CAMKMT: variants seen among roughly 807,000 people sequenced by gnomAD.
CAMKMT encodes CaM KMT.
CAMKMT carries 53 observed loss-of-function variants against 48.0 expected under a neutral mutation model. That is an observed-to-expected ratio of 1.10 (90% CI 0.89 to 1.39). The LOEUF (loss-of-function observed/expected upper bound fraction) is 1.39, where lower values mean the gene tolerates loss of function less well. Among genes scored for constraint, CAMKMT ranks in the 40% most tolerant of loss-of-function variants. CAMKMT has a pLI of 0.00. For missense variants in CAMKMT, 428 were observed against 402.7 expected (o/e 1.06, Z -0.54); for synonymous variants, 165 against 152.3 (o/e 1.08, Z -0.61).
At chr2:44,681,032 TATC>T (rs1675991397) in intron 3 of CAMKMT, among the ~76,000 whole-genome samples, 1 of 152,190 alleles carries the variant, frequency 6.6e-6, no homozygotes, top group South Asian at 2.1e-4. Flanking sequence ...TCCAACATGT[TATC>T]ATTTATTTCC....
chr2:44,732,837 T>C (rs1440373657), intron 7 of CAMKMT, among the ~76,000 whole-genome samples: 5 of 152,230 alleles, frequency 3.3e-5, no homozygotes, highest in Non-Finnish European at 5.9e-5. Context: ...TTATATCAGA[T>C]ACTATATATG....
At chr2:44,410,501 A>G (rs1683128816) in intron 3 of CAMKMT, among the ~76,000 whole-genome samples, 1 of 151,388 alleles carries the variant, frequency 6.6e-6, no homozygotes, top group East Asian at 1.9e-4. Context: ...TCTTTTTGTG[A>G]TTTATCAGCA....
At position 44,618,304 on chromosome 2, in the gene CAMKMT, G is replaced by A. The variant is rs201117300; in HGVS notation, c.377-85979G>A. Among the ~76,000 whole-genome samples, 54 of 152,300 alleles carry A rather than the reference G, an allele frequency of 3.5e-4. No individual in the cohort carries two copies. The East Asian group carries it at 5.6e-3, about 16-fold the overall frequency. On this transcript the variant is annotated intron_variant, in intron 3 of 10. Transcript: ENST00000378494. The surrounding 1 kb of genome is among the most constrained non-coding windows in gnomAD (Gnocchi z 4.0). ...CATAAGAGCTTGCACTGCCATCAGA[G>A]TCATTTTACGACAGCCAGGGAGCAA...
chr2:44,636,016 A>G (rs1335039669), intron 3 of CAMKMT, among the ~76,000 whole-genome samples: 1 of 152,234 alleles, frequency 6.6e-6, no homozygotes, highest in Non-Finnish European at 1.5e-5. Context: ...TTTATATTAG[A>G]AAAACACAAA....
chr2:44,528,143 C>T (rs752005382), intron 3 of CAMKMT, among the ~76,000 whole-genome samples: 1 of 152,056 alleles, frequency 6.6e-6, no homozygotes, highest in African/African-American at 2.4e-5. Flanking sequence ...CTGAATTTGT[C>T]CCTTTCTTTC....
Position 44,399,056 on chromosome 2 carries a change from C to T in CAMKMT, c.376+8751C>T, listed in dbSNP as rs187177844. 3.3e-5 allele frequency among the ~76,000 whole-genome samples: 5 copies of T among 152,210 alleles called. No homozygotes were observed. In the South Asian group the frequency reaches 6.2e-4, roughly 19 times the overall value. On this transcript the variant is annotated intron_variant, in intron 3 of 10. Coordinates refer to ENST00000378494, the MANE Select transcript of CAMKMT (RefSeq NM_024766.5). ...TTCTGTGTGTATGAGATTGAAAAGG[C>T]GCATGTTTTGTGTAATTATAGATAC...
At chr2:44,486,268 G>A (rs895570206) in intron 3 of CAMKMT, among the ~76,000 whole-genome samples, 3 of 152,132 alleles carry the variant, frequency 2.0e-5, no homozygotes, top group Non-Finnish European at 4.4e-5. Context: ...TCTCTGACCT[G>A]GGTGTGTTCA....
chr2:44,706,208 T>C lies in CAMKMT; in HGVS notation c.438-79T>C, dbSNP rs1291610077. 2.1e-6 allele frequency: 3 copies of C among 1,460,590 alleles called. No individual in the cohort carries two copies. In the African/African-American group the frequency reaches 4.2e-5, roughly 20 times the overall value. The allele number at this position is 1,460,590 out of a possible 1,614,324, so 90.5% of individuals were successfully genotyped here. A position where few individuals can be genotyped will look rare whatever the true frequency, so the allele number is the denominator to read the frequency against. On this transcript the variant is annotated intron_variant, in intron 4 of 10. Coordinates refer to ENST00000378494, the MANE Select transcript of CAMKMT (RefSeq NM_024766.5). ...GCCGTTCTTACTGCAGATGGCAATTTGTTCTTGTAACATATATCTCTCTCT... is the reference window on the plus strand; with the variant it reads ...GCCGTTCTTACTGCAGATGGCAATTCGTTCTTGTAACATATATCTCTCTCT...
intron 3 of CAMKMT, among the ~76,000 whole-genome samples, chr2:44,474,830 A>C (rs1406329778): frequency 6.6e-6 from 1 of 152,172 alleles, no homozygotes; most frequent in Non-Finnish European, 1.5e-5. Context: ...GCAATTCTCT[A>C]TTTCCGTTTT....
chr2:44,757,565 G>GTTT, intron 9 of CAMKMT, among the ~76,000 whole-genome samples: 1 of 143,838 alleles, frequency 7.0e-6, no homozygotes, highest in African/African-American at 2.5e-5. Context: ...GACTATGGGG[G>GTTT]CTTTTTTTTT....
chr2:44,534,434 A>C (rs1666655844), intron 3 of CAMKMT, among the ~76,000 whole-genome samples: 1 of 152,188 alleles, frequency 6.6e-6, no homozygotes, highest in Non-Finnish European at 1.5e-5. Flanking sequence ...CAGAGTGCAC[A>C]TTCTTCTCAT....
intron 3 of CAMKMT, among the ~76,000 whole-genome samples, chr2:44,686,353 A>T (rs1261376827): frequency 2.6e-5 from 4 of 151,070 alleles, no homozygotes; most frequent in African/African-American, 9.7e-5. Flanking sequence ...AGATCATGCC[A>T]CTGCACTCCA....
intron 1 of CAMKMT, among the ~76,000 whole-genome samples, chr2:44,364,202 G>A (rs1222890262): frequency 6.6e-6 from 1 of 151,954 alleles, no homozygotes; most frequent in Non-Finnish European, 1.5e-5. Flanking sequence ...ATTCTAAATT[G>A]CGGTCTAAAT....
Position 44,444,625 on chromosome 2 carries a change from A to G in CAMKMT, c.376+54320A>G, listed in dbSNP as rs568262652. 1.2e-3 allele frequency among the ~76,000 whole-genome samples: 181 copies of G among 152,324 alleles called. 1 individual carries two copies. The highest frequency in any genetic ancestry group is 4.2e-3 in the African/African-American group (174 of 41,566). On this transcript the variant is annotated intron_variant, in intron 3 of 10. Coordinates refer to ENST00000378494, the MANE Select transcript of CAMKMT (RefSeq NM_024766.5). ...TATCGTGGATGTTAAGCTACTGTTC[A>G]AGTTATACACACATACATGTGTGTG... is the stretch of plus-strand genomic sequence containing the variant.
chr2:44,608,045 C>G (rs936172956), intron 3 of CAMKMT, among the ~76,000 whole-genome samples: 1 of 149,704 alleles, frequency 6.7e-6, no homozygotes, highest in African/African-American at 2.5e-5. Flanking sequence ...AACTGTATAC[C>G]AATAGATATT....
At chr2:44,619,463 G>GTATA (rs5830799) in intron 3 of CAMKMT, among the ~76,000 whole-genome samples, 8,626 of 149,896 alleles carry the variant, frequency 0.058, 233 homozygotes, top group African/African-American at 0.07. Context: ...GATTATGTGT[G>GTATA]TATATATATA....
chr2:44,516,980 G>T (rs1416482202), intron 3 of CAMKMT, among the ~76,000 whole-genome samples: 25 of 152,078 alleles, frequency 1.6e-4, no homozygotes. Context: ...GACCTCAAAT[G>T]ATCCACCTGT....
At chr2:44,479,148 C>G (rs534818941) in intron 3 of CAMKMT, among the ~76,000 whole-genome samples, 1 of 152,160 alleles carries the variant, frequency 6.6e-6, no homozygotes, top group Non-Finnish European at 1.5e-5. Context: ...CCACAAGAAA[C>G]TGGCATCTTT....
At chr2:44,470,378 T>C (rs1668350843) in intron 3 of CAMKMT, among the ~76,000 whole-genome samples, 1 of 152,192 alleles carries the variant, frequency 6.6e-6, no homozygotes, top group African/African-American at 2.4e-5. Context: ...TTCAGACCCT[T>C]TGTACTCTCA....
Sources: allele counts gnomAD v4.1 joint callset (sites outside exome capture counted in the v4.1 genomes callset), GRCh38; gene constraint gnomAD v4.1.1; non-coding constraint Gnocchi (gnomAD v3.1); transcripts MANE v1.5; gene names NCBI Gene and HGNC (gene_info 2026-07-23, HGNC 2026-07-21).